PRIMA1: variants seen among roughly 807,000 people sequenced by gnomAD.
The protein encoded by PRIMA1 is proline rich membrane anchor 1, also known as proline-rich membrane anchor 1.
A neutral mutation model predicts 17.5 loss-of-function variants in PRIMA1; 7 were observed. That is an observed-to-expected ratio of 0.40 (90% CI 0.23 to 0.75). The LOEUF is 0.75. Ranked by LOEUF, PRIMA1 falls within the 30% of genes least tolerant of loss-of-function variation. PRIMA1 has a pLI of 0.37. For missense variants in PRIMA1, 200 were observed against 201.8 expected (o/e 0.99, Z 0.05); for synonymous variants, 97 against 77.9 (o/e 1.25, Z -1.29).
intron 3 of PRIMA1, among the ~76,000 whole-genome samples, chr14:93,772,328 C>CT (rs1301257918): frequency 3.3e-5 from 5 of 152,398 alleles, no homozygotes; most frequent in African/African-American, 1.2e-4. Context: ...AATAAAATCT[C>CT]TATCAGTGCT....
chr14:93,787,484 C>T, intron 2 of PRIMA1, 142 bp downstream of exon 2: 1 of 1,196,388 alleles, frequency 8.4e-7, no homozygotes, highest in Non-Finnish European at 1.2e-6. Context: ...TATAGGGGAC[C>T]GTAGCAGCTT....
intron 4 of PRIMA1, among the ~76,000 whole-genome samples, chr14:93,734,990 T>C (rs1235295464): frequency 6.6e-6 from 1 of 152,114 alleles, no homozygotes; most frequent in Non-Finnish European, 1.5e-5. Flanking sequence ...AGCACTGCCC[T>C]AGTGAGCTAT....
At chr14:93,751,683 G>A (rs1413010730) in intron 3 of PRIMA1, among the ~76,000 whole-genome samples, 3 of 152,206 alleles carry the variant, frequency 2.0e-5, no homozygotes, top group Non-Finnish European at 4.4e-5. Context: ...AATGATTTGA[G>A]TCCAAGTTGG....
chr14:93,768,717 C>T (rs1884964508), intron 3 of PRIMA1, among the ~76,000 whole-genome samples: 1 of 151,808 alleles, frequency 6.6e-6, no homozygotes, highest in South Asian at 2.1e-4. Flanking sequence ...ATTTGCTGGA[C>T]ACAAATAAAT....
At chr14:93,755,607 T>G (rs2076285997) in intron 3 of PRIMA1, among the ~76,000 whole-genome samples, 1 of 152,210 alleles carries the variant, frequency 6.6e-6, no homozygotes, top group Non-Finnish European at 1.5e-5. Flanking sequence ...GACTGCCTGG[T>G]GGTGTTACTT....
chr14:93,759,471 A>G (rs2076312702), intron 3 of PRIMA1, among the ~76,000 whole-genome samples: 1 of 152,066 alleles, frequency 6.6e-6, no homozygotes, highest in Non-Finnish European at 1.5e-5. Context: ...GGGGCAGTCC[A>G]TGCATATATG....
At chr14:93,727,963 GCCAGC>G (rs960311088) in intron 4 of PRIMA1, among the ~76,000 whole-genome samples, 1 of 152,206 alleles carries the variant, frequency 6.6e-6, no homozygotes, top group African/African-American at 2.4e-5. Context: ...GCTGTCCTGA[GCCAGC>G]CCAGCCCAGC....
At position 93,787,684 on chromosome 14, in the gene PRIMA1, C is replaced by T. The variant is rs779865736; in HGVS notation, c.35G>A (p.Cys12Tyr). ...GTGCAGCAGCAGCGAGGACCAGCAGCAGCCACGGCGCAGCACCAAGTCCCG... is the reference window on the plus strand; with the variant it reads ...GTGCAGCAGCAGCGAGGACCAGCAGTAGCCACGGCGCAGCACCAAGTCCCG... ...LLRDLVLRRG[C>Y]CWSSLLLHCA... Residue 12 changes from cysteine (C) to tyrosine (Y), a missense_variant, in exon 2 of 5, where the codon TGC (cysteine) becomes TAC (tyrosine). Coordinates refer to ENST00000393140, the MANE Select transcript of PRIMA1 (RefSeq NM_178013.4). The T allele has an allele frequency of 2.6e-6, 4 of 1,544,534 alleles. No individual in the cohort carries two copies. The South Asian group carries it at 4.8e-5, about 18-fold the overall frequency.
At chr14:93,745,472 C>T (rs756963506) in intron 3 of PRIMA1, among the ~76,000 whole-genome samples, 5 of 152,218 alleles carry the variant, frequency 3.3e-5, no homozygotes, top group African/African-American at 7.2e-5. Flanking sequence ...GTGTGTGCAG[C>T]GCCTTTCAGG....
At chr14:93,732,941 T>G (rs2076124521) in intron 4 of PRIMA1, among the ~76,000 whole-genome samples, 1 of 151,874 alleles carries the variant, frequency 6.6e-6, no homozygotes, top group African/African-American at 2.4e-5. Context: ...GGCCTAGGGG[T>G]GGGAGGACAC....
intron 3 of PRIMA1, among the ~76,000 whole-genome samples, chr14:93,748,062 GTGTGAA>G (rs1185491063): frequency 5.3e-5 from 8 of 151,242 alleles, no homozygotes; most frequent in African/African-American, 4.9e-5. Flanking sequence ...GTGTATGTGA[GTGTGAA>G]TGTGTATGTG....
chr14:93,786,648 A>G (rs1418828945), intron 2 of PRIMA1, among the ~76,000 whole-genome samples: 1 of 152,144 alleles, frequency 6.6e-6, no homozygotes, highest in Non-Finnish European at 1.5e-5. Context: ...GTGGATCCTC[A>G]ATGCCCAAAA....
At chr14:93,746,523 G>C (rs1480798102) in intron 3 of PRIMA1, among the ~76,000 whole-genome samples, 6 of 152,108 alleles carry the variant, frequency 3.9e-5, no homozygotes, top group African/African-American at 1.4e-4. Flanking sequence ...GTGGCCTAGA[G>C]GGAGTCGCGA....
chr14:93,771,649 TCGTTCTGCAGC>T (rs1280687982), intron 3 of PRIMA1, among the ~76,000 whole-genome samples: 1 of 152,190 alleles, frequency 6.6e-6, no homozygotes, highest in African/African-American at 2.4e-5. Flanking sequence ...TTGGAGTAGT[TCGTTCTGCAGC>T]CGTAAATGAC....
chr14:93,782,979 T>C (rs536000747), intron 2 of PRIMA1, among the ~76,000 whole-genome samples: 2 of 152,320 alleles, frequency 1.3e-5, no homozygotes, highest in Middle Eastern at 6.8e-3. Context: ...TTGACCAGAC[T>C]GGTCTCAAAT....
intron 3 of PRIMA1, among the ~76,000 whole-genome samples, chr14:93,756,023 A>C (rs2076288448): frequency 1.3e-5 from 2 of 152,150 alleles, no homozygotes; most frequent in Non-Finnish European, 2.9e-5. Flanking sequence ...TGCTGTCTGC[A>C]ATCCAGGTTG....
At chr14:93,735,207 C>T (rs1461030974) in intron 4 of PRIMA1, among the ~76,000 whole-genome samples, 1 of 152,056 alleles carries the variant, frequency 6.6e-6, no homozygotes, top group Non-Finnish European at 1.5e-5. Flanking sequence ...GGCCTGGTGG[C>T]GCACACTCTT....
chr14:93,737,551 A>G (rs2076158248), intron 3 of PRIMA1, among the ~76,000 whole-genome samples, 181 bp from the exon 4 acceptor site: 1 of 150,190 alleles, frequency 6.7e-6, no homozygotes, highest in Non-Finnish European at 1.5e-5. Flanking sequence ...GGTGACACCA[A>G]CAGAGGCATG....
At chr14:93,783,204 A>C (rs1037967083) in intron 2 of PRIMA1, among the ~76,000 whole-genome samples, 1 of 152,212 alleles carries the variant, frequency 6.6e-6, no homozygotes. Flanking sequence ...CTGAACAATC[A>C]TGACTTTCTG....
Sources: allele counts gnomAD v4.1 joint callset (sites outside exome capture counted in the v4.1 genomes callset), GRCh38; gene constraint gnomAD v4.1.1; transcripts MANE v1.5; gene names NCBI Gene and HGNC (gene_info 2026-07-23, HGNC 2026-07-21).